The following NUP50 variants were observed in gnomAD, a reference collection of about 807,000 sequenced individuals.
The protein encoded by NUP50 is nucleoporin 50.
Under a neutral mutation model 36.8 loss-of-function variants are expected in NUP50, and 14 were observed. That is an observed-to-expected ratio of 0.38 (90% CI 0.25 to 0.59). NUP50 has a LOEUF of 0.59. Ranked by LOEUF, NUP50 falls within the 20% of genes least tolerant of loss-of-function variation. The pLI, the probability that NUP50 is intolerant of heterozygous loss-of-function variation, is 0.63. For synonymous variants in NUP50, 195 were observed against 210.8 expected, an observed-to-expected ratio of 0.93 and a Z score of 0.65; for missense variants, 455 against 564.6, an observed-to-expected ratio of 0.81 and a Z score of 1.97.
intron 1 of NUP50, among the ~76,000 whole-genome samples, chr22:45,166,753 T>TTGTA (rs2074101358): frequency 1.7e-5 from 2 of 116,902 alleles, no homozygotes; most frequent in South Asian, 5.4e-4. Context: ...TTGTTTTTGT[T>TTGTA]TGTATGACAA....
At chr22:45,170,055 T>TAAC (rs2074161504) in intron 2 of NUP50, among the ~76,000 whole-genome samples, 1 of 152,206 alleles carries the variant, frequency 6.6e-6, no homozygotes, top group South Asian at 2.1e-4. Context: ...AAGAAAATGC[T>TAAC]GACGTACGCC....
rs1253925305 is a variant in NUP50, at chr22:45,186,258, G to A, written c.*1603G>A. ...TGTTACAGATGCTGTCAGACATAGCGATAGTAGGCACCTAGGGAGGAAGTG... is the reference window on the plus strand; with the variant it reads ...TGTTACAGATGCTGTCAGACATAGCAATAGTAGGCACCTAGGGAGGAAGTG... On this transcript the variant is annotated 3_prime_UTR_variant, in exon 8 of 8. Transcript: ENST00000347635. 3 of 152,192 alleles carry A rather than the reference G, an allele frequency of 2.0e-5. No individual in the cohort carries two copies. Among genetic ancestry groups the A allele is most frequent in the Non-Finnish European group, 2.9e-5 (2 of 68,040 alleles). The allele number at this position is 152,192 out of a possible 1,614,324, so 9.4% of individuals were successfully genotyped here.
In NUP50 at chr22:45,176,075, C is replaced by T; in HGVS notation, c.335C>T (p.Ala112Val). The change falls in exon 4 of 8, where the codon GCC becomes GTC. Residue 112 changes from alanine to valine, a missense_variant. Ala to Val is a moderately conservative substitution (Grantham distance 64). Coordinates refer to ENST00000347635, the MANE Select transcript of NUP50 (RefSeq NM_007172.4). The part of the protein sequence containing the change: ...SAKAAADPKV[A>V]FGSLAANGPT... Reference sequence around the variant, plus strand: ...AAGGCAGCGGCAGATCCCAAGGTAGCCTTTGGTAAGTAGCTCCCATCCCCC... The same window carrying T: ...AAGGCAGCGGCAGATCCCAAGGTAGTCTTTGGTAAGTAGCTCCCATCCCCC... The T allele has an allele frequency of 1.9e-6, 3 of 1,613,012 alleles. No homozygotes were observed. The highest frequency in any genetic ancestry group is 2.5e-6 in the Non-Finnish European group (3 of 1,179,166).
intron 6 of NUP50, 107 bp downstream of exon 6, chr22:45,181,474 TC>T: frequency 1.5e-6 from 1 of 670,888 alleles, no homozygotes; most frequent in Non-Finnish European, 2.5e-6. Flanking sequence ...AGTCTCGGGG[TC>T]AAGCTTTGCC....
At chr22:45,177,057 C>G (rs2074287555) in intron 4 of NUP50, among the ~76,000 whole-genome samples, 1 of 152,110 alleles carries the variant, frequency 6.6e-6, no homozygotes, top group African/African-American at 2.4e-5. Flanking sequence ...AGATTTTTAA[C>G]TACAGCCATC....
At chr22:45,164,339 C>T (rs1222967149) in intron 1 of NUP50, 43 bp downstream of exon 1, 1 of 152,444 alleles carries the variant, frequency 6.6e-6, no homozygotes, top group Non-Finnish European at 1.5e-5. Context: ...AGGCTGAGGG[C>T]GGGAGCCTGG....
intron 7 of NUP50, chr22:45,183,724 G>A (rs999075679): frequency 4.1e-6 from 2 of 491,862 alleles, no homozygotes; most frequent in Admixed American, 6.9e-5. Context: ...TAAACAAAAT[G>A]ATTTTTCATT....
At chr22:45,177,985 G>A in intron 4 of NUP50, 1 of 435,678 alleles carries the variant, frequency 2.3e-6, no homozygotes, top group South Asian at 2.6e-5. Context: ...AATTAGCCGG[G>A]TGTGGTGGCG....
At chr22:45,164,841 C>G (rs2074069234) in intron 1 of NUP50, 1 of 152,988 alleles carries the variant, frequency 6.5e-6, no homozygotes, top group Non-Finnish European at 1.5e-5. Context: ...CTCCCCCTGG[C>G]CGCCCCTCGT....
rs779493727 is a variant in NUP50, at chr22:45,183,470, C to G, written c.1154C>G (p.Pro385Arg). ...EKGIGTLHLK[P>R]TANQKTQLLV... ...GGCATAGGTACTCTGCATTTAAAAC[C>G]TACAGCAAATCAGAAGACACAGCTT... Residue 385 changes from proline to arginine, a missense_variant, in exon 7 of 8, where the codon CCT (proline) becomes CGT (arginine). Pro to Arg is a moderately radical substitution (Grantham distance 103, BLOSUM62 -2). Around this residue, in one of 3 missense-constraint regions of NUP50, gnomAD observed 287 missense variants for 345.5 expected, o/e 0.83. Transcript: ENST00000347635. 2 of 1,612,418 alleles carry G rather than the reference C, an allele frequency of 1.2e-6. No individual in the cohort carries two copies. The highest frequency in any genetic ancestry group is 1.7e-6 in the Non-Finnish European group (2 of 1,179,200).
chr22:45,168,486 C>T (rs2074130356), intron 2 of NUP50, among the ~76,000 whole-genome samples: 1 of 152,168 alleles, frequency 6.6e-6, no homozygotes, highest in African/African-American at 2.4e-5. Flanking sequence ...TCCACTAGTG[C>T]CTGCTCCTTA....
intron 3 of NUP50, among the ~76,000 whole-genome samples, chr22:45,173,684 CAA>C (rs763635990): frequency 8.5e-5 from 13 of 152,080 alleles, no homozygotes; most frequent in Non-Finnish European, 1.3e-4. Flanking sequence ...GAGTGAGAAA[CAA>C]AGCTCACTGC....
rs2074055620 is a variant in NUP50, at chr22:45,164,125, T to G, written c.-182T>G. ...GGAGCCCCCCCAGGGATATGGTGTTTGAGTCTCTGGGCTTGCCGAGCACTA... is the reference window on the plus strand; with the variant it reads ...GGAGCCCCCCCAGGGATATGGTGTTGGAGTCTCTGGGCTTGCCGAGCACTA... On this transcript the variant is annotated 5_prime_UTR_variant, in exon 1 of 8. Transcript: ENST00000347635. 6.6e-6 allele frequency: 1 copy of G among 152,244 alleles called. No individual in the cohort carries two copies. The highest frequency in any genetic ancestry group is 2.1e-4 in the South Asian group (1 of 4,836). The allele number at this position is 152,244 out of a possible 1,614,324, so 9.4% of individuals were successfully genotyped here. A position where few individuals can be genotyped will look rare whatever the true frequency, so the allele number is the denominator to read the frequency against.
intron 3 of NUP50, among the ~76,000 whole-genome samples, chr22:45,174,715 G>A (rs2074250359): frequency 1.3e-5 from 2 of 152,126 alleles, no homozygotes; most frequent in African/African-American, 4.8e-5. Context: ...CAGTGTGGCG[G>A]GTTTGGAATT....
At chr22:45,166,066 A>G (rs529401454) in intron 1 of NUP50, 2 of 152,328 alleles carry the variant, frequency 1.3e-5, no homozygotes, top group East Asian at 3.9e-4. Flanking sequence ...CATTTGGAGT[A>G]TATCTGTAAA....
chr22:45,179,043 CAGCTT>C, intron 5 of NUP50, 143 bp downstream of exon 5: 1 of 728,498 alleles, frequency 1.4e-6, no homozygotes, highest in Non-Finnish European at 2.2e-6. Context: ...CAGAGCTAAT[CAGCTT>C]CTCTGAGTTT....
At chr22:45,173,125 C>G (rs1312429752) in intron 3 of NUP50, among the ~76,000 whole-genome samples, 1 of 152,014 alleles carries the variant, frequency 6.6e-6, no homozygotes, top group Non-Finnish European at 1.5e-5. Flanking sequence ...GTTGCACTGC[C>G]AAGAAAGGAA....
chr22:45,180,900 CACAGGAATATTCAGGGGTGA>C (rs2074358438), intron 5 of NUP50, among the ~76,000 whole-genome samples: 3 of 150,822 alleles, frequency 2.0e-5, no homozygotes, highest in Non-Finnish European at 2.9e-5. Context: ...TAGATGTAGT[CACAGGAATATTCAGGGGTGA>C]AGGTGTTAAA....
At chr22:45,171,236 G>C (rs1465659359) in intron 2 of NUP50, 5 of 1,083,796 alleles carry the variant, frequency 4.6e-6, no homozygotes, top group African/African-American at 1.7e-5. Flanking sequence ...TTGCTCTGTT[G>C]CCCAGGCTGG....
Sources: allele counts gnomAD v4.1 joint callset (sites outside exome capture counted in the v4.1 genomes callset), GRCh38; gene constraint gnomAD v4.1.1; regional missense constraint gnomAD v4.1.1; transcripts MANE v1.5; gene names NCBI Gene and HGNC (gene_info 2026-07-23, HGNC 2026-07-21).